Variants in CYP7B1 observed in about 807,000 individuals in gnomAD.
CYP7B1 encodes cytochrome P450 7B1.
Under a neutral mutation model 42.7 loss-of-function variants are expected in CYP7B1, and 29 were observed. The observed-to-expected ratio is 0.68, with a 90% CI of 0.51 to 0.93. The LOEUF (loss-of-function observed/expected upper bound fraction) is 0.93. Among genes scored for constraint, CYP7B1 ranks in the 40% least tolerant of loss-of-function variants. CYP7B1 has a pLI of 0.00. For synonymous variants in CYP7B1, 235 were observed against 218.2 expected, an observed-to-expected ratio of 1.08 and a Z score of -0.68; for missense variants, 655 against 600.5, an observed-to-expected ratio of 1.09 and a Z score of -0.95.
At chr8:64,739,071 A>G (rs1807532214) in intron 1 of CYP7B1, among the ~76,000 whole-genome samples, 1 of 152,182 alleles carries the variant, frequency 6.6e-6, no homozygotes, top group Admixed American at 6.5e-5. Flanking sequence ...AGCATTTTCT[A>G]TAACAAAGGC....
intron 1 of CYP7B1, among the ~76,000 whole-genome samples, chr8:64,745,759 C>T (rs534826468): frequency 6.6e-6 from 1 of 152,286 alleles, no homozygotes; most frequent in East Asian, 1.9e-4. Context: ...GGTCATCCCA[C>T]CACAATCTTT....
chr8:64,691,143 A>G (rs1449753970), intron 1 of CYP7B1, among the ~76,000 whole-genome samples: 1 of 152,216 alleles, frequency 6.6e-6, no homozygotes, highest in Non-Finnish European at 1.5e-5. Context: ...GAGCTTCTAC[A>G]AAGTTTCAAA....
intron 1 of CYP7B1, among the ~76,000 whole-genome samples, chr8:64,738,190 A>G (rs1003982501): frequency 3.3e-5 from 5 of 152,228 alleles, no homozygotes; most frequent in African/African-American, 1.2e-4. Flanking sequence ...TACTTTTCTA[A>G]CTCTGGAGTA....
intron 1 of CYP7B1, among the ~76,000 whole-genome samples, chr8:64,758,031 C>T (rs1337834659): frequency 6.6e-6 from 1 of 152,164 alleles, no homozygotes; most frequent in Non-Finnish European, 1.5e-5. Context: ...TGCTCCTGTT[C>T]CCTAGGGTCG....
At chr8:64,612,094 C>T (rs1805371905) in intron 4 of CYP7B1, among the ~76,000 whole-genome samples, 1 of 152,024 alleles carries the variant, frequency 6.6e-6, no homozygotes, top group African/African-American at 2.4e-5. Context: ...TTACTGCTTG[C>T]ATTATCTTTT....
intron 1 of CYP7B1, among the ~76,000 whole-genome samples, chr8:64,724,551 A>G (rs1290742381): frequency 6.6e-6 from 1 of 152,208 alleles, no homozygotes; most frequent in Non-Finnish European, 1.5e-5. Context: ...ATCAGATTAA[A>G]ACAATAAAGT....
intron 1 of CYP7B1, among the ~76,000 whole-genome samples, chr8:64,767,711 C>A (rs1488670350): frequency 6.6e-6 from 1 of 152,166 alleles, no homozygotes; most frequent in Admixed American, 6.5e-5. Flanking sequence ...AAGAAATAAT[C>A]CCCTGCAATT....
rs527518434 is a variant in CYP7B1, at chr8:64,592,762, G to A, written c.*3880C>T. On this transcript the variant is annotated 3_prime_UTR_variant, in exon 6 of 6. Coordinates refer to ENST00000310193, the MANE Select transcript of CYP7B1 (RefSeq NM_004820.5). ...CGTTACAATGAACTCTGATGTCAAA[G>A]GGCCTTATTATTTTATTTTTCAAAT... is the stretch of plus-strand genomic sequence containing the variant. Among the ~76,000 whole-genome samples the A allele has an allele frequency of 4.1e-4, 62 of 152,256 alleles. No individual in the cohort carries two copies. The highest frequency in any genetic ancestry group is 1.5e-3 in the African/African-American group (62 of 41,540).
At chr8:64,654,035 C>A (rs1806081236) in intron 1 of CYP7B1, among the ~76,000 whole-genome samples, 1 of 152,082 alleles carries the variant, frequency 6.6e-6, no homozygotes, top group Non-Finnish European at 1.5e-5. Flanking sequence ...ATAATAAGAG[C>A]CATCTATGAC....
chr8:64,589,375 TA>T (rs1317690091), downstream of CYP7B1, among the ~76,000 whole-genome samples: 2 of 152,194 alleles, frequency 1.3e-5, no homozygotes, highest in African/African-American at 4.8e-5. Flanking sequence ...TAGTTCAAAA[TA>T]AAAAGTTTTT....
At chr8:64,752,954 G>A (rs1313664803) in intron 1 of CYP7B1, among the ~76,000 whole-genome samples, 2 of 152,044 alleles carry the variant, frequency 1.3e-5, no homozygotes, top group Non-Finnish European at 2.9e-5. Flanking sequence ...AAAGAGATCA[G>A]AAGAAAGTTG....
At chr8:64,777,883 T>C (rs1345834826) in intron 1 of CYP7B1, among the ~76,000 whole-genome samples, 1 of 151,914 alleles carries the variant, frequency 6.6e-6, no homozygotes, top group Non-Finnish European at 1.5e-5. Context: ...TTTGAATCAA[T>C]TTCTGTAAAA....
rs373857153 is a variant in CYP7B1 at position 64,661,306 on chromosome 8, A to G, written c.123-36767T>C. On this transcript the variant is annotated intron_variant, in intron 1 of 5. Coordinates refer to ENST00000310193, the MANE Select transcript of CYP7B1 (RefSeq NM_004820.5). ...CGAGTTGAAAGTTCTAATAAAAATTAAACAGCACTTTATAAATGTTTGCAA... is the reference window on the plus strand; with the variant it reads ...CGAGTTGAAAGTTCTAATAAAAATTGAACAGCACTTTATAAATGTTTGCAA... 7.9e-5 allele frequency among the ~76,000 whole-genome samples: 12 copies of G among 152,350 alleles called. 1 individual carries two copies. In the East Asian group the frequency reaches 2.1e-3, roughly 27 times the overall value.
At chr8:64,603,877 G>A (rs1233385244) in intron 5 of CYP7B1, among the ~76,000 whole-genome samples, 3 of 152,152 alleles carry the variant, frequency 2.0e-5, no homozygotes, top group Non-Finnish European at 4.4e-5. Context: ...ATTTAGAGGT[G>A]GTCCAGCTAT....
At chr8:64,744,900 G>A (rs142987693) in intron 1 of CYP7B1, among the ~76,000 whole-genome samples, 17 of 152,254 alleles carry the variant, frequency 1.1e-4, no homozygotes, top group Admixed American at 9.2e-4. Context: ...GCTTTATAGC[G>A]TAATGACAGT....
chr8:64,648,120 A>G (rs979154175), intron 1 of CYP7B1, among the ~76,000 whole-genome samples: 13 of 152,236 alleles, frequency 8.5e-5, no homozygotes, highest in Non-Finnish European at 1.3e-4. Flanking sequence ...AAAGAGCTCA[A>G]TGTTGACAGA....
chr8:64,740,664 G>C (rs1807554579), intron 1 of CYP7B1, among the ~76,000 whole-genome samples: 1 of 151,214 alleles, frequency 6.6e-6, no homozygotes, highest in Non-Finnish European at 1.5e-5. Flanking sequence ...AAATGAAAGA[G>C]GGGTAATCAC....
intron 4 of CYP7B1, among the ~76,000 whole-genome samples, chr8:64,612,925 A>G (rs1288707769): frequency 6.6e-6 from 1 of 152,142 alleles, no homozygotes; most frequent in Non-Finnish European, 1.5e-5. Context: ...GAGAAATACA[A>G]CTGAGCTATG....
intron 1 of CYP7B1, among the ~76,000 whole-genome samples, chr8:64,644,867 G>A (rs532785382): frequency 5.7e-4 from 86 of 150,704 alleles, no homozygotes; most frequent in African/African-American, 1.9e-3. Context: ...CCATTAACTC[G>A]TCATTTAGCA....
Sources: gnomAD v4.1 joint callset for allele counts (sites outside exome capture counted in the v4.1 genomes callset) on GRCh38, gnomAD v4.1.1 for gene constraint, MANE v1.5 for transcripts, NCBI Gene and HGNC (gene_info 2026-07-23, HGNC 2026-07-21) for gene names.